Variants in PLCB4 observed in about 807,000 individuals in gnomAD.
PLCB4 encodes 1-phosphatidylinositol 4,5-bisphosphate phosphodiesterase beta-4.
PLCB4 carries 77 observed loss-of-function variants against 178.8 expected under a neutral mutation model. The observed-to-expected ratio is 0.43, with a 90% CI of 0.36 to 0.52. The LOEUF (loss-of-function observed/expected upper bound fraction) is 0.52, where lower values mean the gene tolerates loss of function less well. PLCB4 is among the 20% of genes least tolerant of loss of function. The pLI is 0.00. For missense variants in PLCB4, 1,024 were observed against 1,453.4 expected, an observed-to-expected ratio of 0.70 and a Z score of 4.80; for synonymous variants, 496 against 490.8, an observed-to-expected ratio of 1.01 and a Z score of -0.14.
chr20:9,236,338 C>A (rs2093992731), intron 3 of PLCB4, among the ~76,000 whole-genome samples: 1 of 152,158 alleles, frequency 6.6e-6, no homozygotes, highest in African/African-American at 2.4e-5. Context: ...GAAGAATAAC[C>A]TTATAGCATA....
chr20:9,197,729 A>G (rs911639917), intron 2 of PLCB4, among the ~76,000 whole-genome samples: 8 of 152,220 alleles, frequency 5.3e-5, no homozygotes, highest in Non-Finnish European at 1.2e-4. Flanking sequence ...TAATCCCAGC[A>G]CTTTGGGAGG....
chr20:9,308,957 C>T (rs1341933375), intron 4 of PLCB4, among the ~76,000 whole-genome samples: 1 of 152,218 alleles, frequency 6.6e-6, no homozygotes, highest in Non-Finnish European at 1.5e-5. Flanking sequence ...CATCCAGAGA[C>T]AAGCACTGTT....
At chr20:9,309,812 GT>G (rs1239239773) in intron 4 of PLCB4, among the ~76,000 whole-genome samples, 2 of 151,938 alleles carry the variant, frequency 1.3e-5, no homozygotes, top group Middle Eastern at 3.4e-3. Context: ...TATTGCTTGT[GT>G]TTTTTTTGAT....
At chr20:9,172,301 G>A (rs1271970200) in intron 2 of PLCB4, among the ~76,000 whole-genome samples, 1 of 152,100 alleles carries the variant, frequency 6.6e-6, no homozygotes, top group Non-Finnish European at 1.5e-5. Context: ...TAATAAGAGA[G>A]AAGTCACCAA....
chr20:9,229,676 GTTCT>G lies in PLCB4; in HGVS notation c.-16+12227_-16+12230del, dbSNP rs539760743. Among the ~76,000 whole-genome samples the G allele has an allele frequency of 1.4e-3, 220 of 151,728 alleles. 1 individual carries two copies. Among genetic ancestry groups the G allele is most frequent in the African/African-American group, 5.0e-3 (207 of 41,358 alleles). ...AAAACAGTTTTTACAACAAATCTGG[GTTCT>G]TTGTGTTTAAAACTTTTTTCCTTCA... On this transcript the variant is annotated intron_variant, in intron 3 of 39. Transcript: ENST00000378473.
At chr20:9,439,772 G>A (rs1014449202) in intron 30 of PLCB4, among the ~76,000 whole-genome samples, 39 of 152,182 alleles carry the variant, frequency 2.6e-4, no homozygotes, top group Non-Finnish European at 1.0e-4. Context: ...ACAGCTTAGG[G>A]AGTTGCAAGC....
At chr20:9,245,557 A>T (rs546799522) in intron 3 of PLCB4, among the ~76,000 whole-genome samples, 26 of 152,166 alleles carry the variant, frequency 1.7e-4, no homozygotes, top group Non-Finnish European at 3.8e-4. Context: ...GGTGATATTA[A>T]GATGGAGGCA....
rs1460432005 is a variant in PLCB4, at chr20:9,220,708, G to A, written c.-16+3256G>A. Among the ~76,000 whole-genome samples, 3 of 152,148 alleles carry A rather than the reference G, an allele frequency of 2.0e-5. No individual in the cohort carries two copies. The East Asian group carries it at 5.8e-4, about 29-fold the overall frequency. ...AGGCATGCAGCTCACCAAACTTAAT[G>A]TTGACTTTTCTTTCATTTTGCCTCT... On this transcript the variant is annotated intron_variant, in intron 3 of 39. Coordinates refer to ENST00000378473, the MANE Select transcript of PLCB4 (RefSeq NM_001377142.1).
intron 3 of PLCB4, among the ~76,000 whole-genome samples, chr20:9,290,447 T>A (rs901047279): frequency 6.6e-6 from 1 of 152,174 alleles, no homozygotes; most frequent in Non-Finnish European, 1.5e-5. Context: ...TCCTTTCTAT[T>A]GCCTCTGGGC....
intron 19 of PLCB4, among the ~76,000 whole-genome samples, chr20:9,396,254 C>T (rs893626931): frequency 2.0e-5 from 3 of 152,086 alleles, no homozygotes; most frequent in African/African-American, 7.2e-5. Context: ...TTTGTATAGA[C>T]AAAAACATGA....
At chr20:9,309,031 A>G (rs977824882) in intron 4 of PLCB4, among the ~76,000 whole-genome samples, 3 of 151,786 alleles carry the variant, frequency 2.0e-5, no homozygotes, top group African/African-American at 7.3e-5. Flanking sequence ...TCTCTCTCCC[A>G]TGGTTGAGAT....
intron 35 of PLCB4, among the ~76,000 whole-genome samples, chr20:9,467,430 AAAATAAAT>A (rs143396869): frequency 6.6e-6 from 1 of 152,080 alleles, no homozygotes; most frequent in Non-Finnish European, 1.5e-5. Context: ...AGTATAATAA[AAAATAAAT>A]AAATAAATAA....
chr20:9,330,569 A>G (rs1022153894), intron 4 of PLCB4, among the ~76,000 whole-genome samples: 2 of 152,174 alleles, frequency 1.3e-5, no homozygotes, highest in African/African-American at 4.8e-5. Flanking sequence ...GTTTGTTACT[A>G]TTTGACTGTG....
intron 20 of PLCB4, 26 bp downstream of exon 20, chr20:9,401,616 T>C (rs2039031289): frequency 1.4e-6 from 2 of 1,427,838 alleles, no homozygotes; most frequent in Non-Finnish European, 2.0e-6. Context: ...CTTTCATCAC[T>C]CTCAAGAGGT....
chr20:9,407,162 A>G (rs1048652689), intron 21 of PLCB4, among the ~76,000 whole-genome samples: 1 of 152,150 alleles, frequency 6.6e-6, no homozygotes, highest in South Asian at 2.1e-4. Context: ...GGAACTAGTT[A>G]CAGCAATGAC....
chr20:9,444,463 A>AT (rs1318853445), intron 32 of PLCB4, among the ~76,000 whole-genome samples: 2 of 152,200 alleles, frequency 1.3e-5, no homozygotes, highest in African/African-American at 4.8e-5. Context: ...AGCTTCATCC[A>AT]TTTAAAAATT....
rs536858866 is a variant in PLCB4 at position 9,389,832 on chromosome 20, A to AT, written c.1159-40dup. On this transcript the variant is annotated intron_variant, in intron 15 of 39. Transcript: ENST00000378473. ...TCTCTGAATAGTTTTGGGTGCCTTA[A>AT]TTTTTTTGCTCTTTTCTCTCATTAA... is the stretch of plus-strand genomic sequence containing the variant. 4.4e-4 allele frequency: 465 copies of AT among 1,058,158 alleles called. 2 individuals carry two copies. The African/African-American group carries it at 6.8e-3, about 15-fold the overall frequency. 65.5% of individuals were successfully genotyped at this position (1,058,158 alleles called of 1,614,324 possible). A position where few individuals can be genotyped will look rare whatever the true frequency, so the allele number is the denominator to read the frequency against.
At chr20:9,379,247 AC>A (rs2036935392) in intron 12 of PLCB4, among the ~76,000 whole-genome samples, 3 of 152,064 alleles carry the variant, frequency 2.0e-5, no homozygotes, top group Admixed American at 6.6e-5. Context: ...AAGTTAGTAA[AC>A]TGGGTTTTTC....
intron 35 of PLCB4, among the ~76,000 whole-genome samples, chr20:9,461,937 C>T (rs6086888): frequency 0.17 from 26,355 of 152,114 alleles, 2,580 homozygotes; most frequent in South Asian, 0.31. Context: ...GCTCTGAGAA[C>T]GGACAGACTG....
Sources: gnomAD v4.1 joint callset for allele counts (sites outside exome capture counted in the v4.1 genomes callset) on GRCh38, gnomAD v4.1.1 for gene constraint, MANE v1.5 for transcripts, NCBI Gene and HGNC (gene_info 2026-07-23, HGNC 2026-07-21) for gene names.